Variants in LOXHD1 observed in about 807,000 individuals in gnomAD.
LOXHD1 encodes lipoxygenase homology PLAT domains 1, also known as lipoxygenase homology domain-containing protein 1.
A neutral mutation model predicts 248.2 loss-of-function variants in LOXHD1; 205 were observed. That is an observed-to-expected ratio of 0.83 (90% CI 0.74 to 0.93). The LOEUF (loss-of-function observed/expected upper bound fraction) is 0.93. LOXHD1 is among the 40% of genes least tolerant of loss of function. The pLI, the probability that LOXHD1 is intolerant of heterozygous loss-of-function variation, is 0.00. For synonymous variants in LOXHD1, 1,113 were observed against 1,162.8 expected, an observed-to-expected ratio of 0.96 and a Z score of 0.87; for missense variants, 2,930 against 2,971.6, an observed-to-expected ratio of 0.99 and a Z score of 0.33.
In LOXHD1 at chr18:46,572,096, C is replaced by T. The variant is rs201226222; in HGVS notation, c.2037G>A (p.Ala679=). 4.3e-5 allele frequency: 66 copies of T among 1,551,792 alleles called. No individual in the cohort carries two copies. In the Admixed American group the frequency reaches 9.6e-4, roughly 23 times the overall value. The change falls in exon 15 of 41, where the codon GCG becomes GCA. Residue 679 remains alanine, a synonymous_variant. Transcript: ENST00000642948. ...ATCAGGACAACTCACTCTTCAGTGT[C>T]GCGCTGCTGTCACTGGGTAGCAACT... ...VRELLPSDSS[A]TLKNFRYHIS...
At position 46,518,123 on chromosome 18, in the gene LOXHD1, A is replaced by T; in HGVS notation, c.5399+6T>A. The T allele has an allele frequency of 6.4e-7, 1 of 1,551,468 alleles. No individual in the cohort carries two copies. The highest frequency in any genetic ancestry group is 1.7e-4 in the Middle Eastern group (1 of 5,836). The stretch of plus-strand genomic sequence containing the variant: ...GGGGTGAGGGGCAGGGGCCGCCTCC[A>T]GGTACCTGGCTTTCTTTTTGTCCAG... On this transcript the variant is annotated splice_donor_region_variant and intron_variant, in intron 34 of 40. Coordinates refer to ENST00000642948, the MANE Select transcript of LOXHD1 (RefSeq NM_001384474.1).
At chr18:46,653,527 A>G (rs2144409527) in intron 1 of LOXHD1, among the ~76,000 whole-genome samples, 1 of 152,374 alleles carries the variant, frequency 6.6e-6, no homozygotes, top group Middle Eastern at 3.4e-3. Flanking sequence ...CTTGTGGAGG[A>G]CACAGAATTC....
chr18:46,577,751 C>T lies in LOXHD1; in HGVS notation c.1926G>A (p.Glu642=), dbSNP rs1291348434. The part of the protein sequence containing the change: ...GWYLDRVLVR[E]EGQPESDNVE... ...CGTTGTCGCTCTCAGGCTGCCCCTC[C>T]TCTCTCACCAGCACTCTGTCCAGGT... Residue 642 remains glutamate, a synonymous_variant, in exon 14 of 41, where the codon GAG becomes GAA. Coordinates refer to ENST00000642948, the MANE Select transcript of LOXHD1 (RefSeq NM_001384474.1). 6.4e-7 allele frequency: 1 copy of T among 1,551,550 alleles called. No homozygotes were observed. Among genetic ancestry groups the T allele is most frequent in the Non-Finnish European group, 8.7e-7 (1 of 1,146,974 alleles).
intron 26 of LOXHD1, among the ~76,000 whole-genome samples, chr18:46,537,414 T>G (rs1466737858): frequency 6.6e-6 from 1 of 152,076 alleles, no homozygotes; most frequent in African/African-American, 2.4e-5. Flanking sequence ...ACCCACAGGG[T>G]CCATGACAAT....
At chr18:46,648,645 A>T (rs1299485320) in intron 2 of LOXHD1, among the ~76,000 whole-genome samples, 1 of 152,192 alleles carries the variant, frequency 6.6e-6, no homozygotes, top group Non-Finnish European at 1.5e-5. Flanking sequence ...TATAATAAAA[A>T]AGAGCACACA....
At chr18:46,496,902 C>A (rs2033907046) in intron 37 of LOXHD1, among the ~76,000 whole-genome samples, 1 of 152,196 alleles carries the variant, frequency 6.6e-6, no homozygotes, top group African/African-American at 2.4e-5. Context: ...ACTCTGGAGG[C>A]TGAGACAGAA....
intron 37 of LOXHD1, among the ~76,000 whole-genome samples, chr18:46,497,658 TA>T (rs2143765556): frequency 6.6e-6 from 1 of 152,292 alleles, no homozygotes; most frequent in Non-Finnish European, 1.5e-5. Flanking sequence ...TTAAATTTTA[TA>T]AAAATATATT....
chr18:46,530,645 T>C (rs2036024171), intron 28 of LOXHD1, among the ~76,000 whole-genome samples: 1 of 152,154 alleles, frequency 6.6e-6, no homozygotes, highest in African/African-American at 2.4e-5. Flanking sequence ...GCAAGTGGGC[T>C]CAGAACCACA....
At chr18:46,623,038 GCTGGC>G (rs2038690505) in intron 4 of LOXHD1, among the ~76,000 whole-genome samples, 1 of 152,204 alleles carries the variant, frequency 6.6e-6, no homozygotes, top group African/African-American at 2.4e-5. Flanking sequence ...CAGCTCTAGA[GCTGGC>G]CTGTGATTTA....
chr18:46,532,786 G>A (rs2036131226), intron 28 of LOXHD1, among the ~76,000 whole-genome samples: 1 of 152,216 alleles, frequency 6.6e-6, no homozygotes, highest in Non-Finnish European at 1.5e-5. Flanking sequence ...AGTCCAGCAA[G>A]AGCAGAGAGG....
chr18:46,601,407 T>C lies in LOXHD1; in HGVS notation c.944A>G (p.Lys315Arg), dbSNP rs1279719056. 6 of 1,551,580 alleles carry C rather than the reference T, an allele frequency of 3.9e-6. No individual in the cohort carries two copies. The East Asian group carries it at 1.5e-4, about 38-fold the overall frequency. The change falls in exon 8 of 41, where the codon AAA (lysine) becomes AGA (arginine). Residue 315 changes from lysine (K) to arginine (R), a missense_variant. Physicochemically the swap from Lys to Arg is conservative, Grantham distance 26 (BLOSUM62 2). Transcript: ENST00000642948. Reference sequence around the variant, plus strand: ...GGCCCCATACATGACCAAGTAGATTTTGGATTTGGTACCAGCCCCCCGGAC... The same window carrying C: ...GGCCCCATACATGACCAAGTAGATTCTGGATTTGGTACCAGCCCCCCGGAC... ...GDVRGAGTKS[K>R]IYLVMYGARG...
At chr18:46,506,712 A>G (rs1181361674) in intron 36 of LOXHD1, among the ~76,000 whole-genome samples, 2 of 152,208 alleles carry the variant, frequency 1.3e-5, no homozygotes, top group Admixed American at 1.3e-4. Flanking sequence ...AGCTTTATTG[A>G]CCTATCATTT....
At chr18:46,508,315 T>C (rs1029065682) in intron 35 of LOXHD1, among the ~76,000 whole-genome samples, 1 of 152,166 alleles carries the variant, frequency 6.6e-6, no homozygotes, top group African/African-American at 2.4e-5. Flanking sequence ...CCTCAGAATG[T>C]GACCTTATTA....
In LOXHD1 at chr18:46,545,627, C is replaced by CTTTT. The variant is rs56323729; in HGVS notation, c.3515-210_3515-207dup. Among the ~76,000 whole-genome samples the CTTTT allele has an allele frequency of 5.0e-4, 46 of 92,232 alleles. 5 individuals are homozygous for CTTTT. Among genetic ancestry groups the CTTTT allele is most frequent in the African/African-American group, 1.9e-3 (39 of 20,480 alleles). The allele number at this position is 92,232 out of a possible 152,430, so 60.5% of individuals were successfully genotyped here. ...GTTTCTATGTTCCTCTTGGCCATTT[C>CTTTT]TTTTTTTTTTTTTTTTTTTTGAGAC... On this transcript the variant is annotated intron_variant, in intron 22 of 40. Coordinates refer to ENST00000642948, the MANE Select transcript of LOXHD1 (RefSeq NM_001384474.1).
intron 29 of LOXHD1, among the ~76,000 whole-genome samples, chr18:46,526,546 G>A (rs777760800): frequency 6.6e-6 from 1 of 152,218 alleles, no homozygotes; most frequent in Admixed American, 6.5e-5. Context: ...AGAAGAGAGG[G>A]TGGGGCATGC....
intron 6 of LOXHD1, among the ~76,000 whole-genome samples, chr18:46,609,405 T>G (rs1392606635): frequency 2.6e-5 from 4 of 152,214 alleles, no homozygotes; most frequent in African/African-American, 9.6e-5. Flanking sequence ...TTTCCTAATA[T>G]AAGAAGATAA....
intron 3 of LOXHD1, 90 bp from the exon 4 acceptor site, chr18:46,639,890 A>T: frequency 6.9e-7 from 1 of 1,442,932 alleles, no homozygotes; most frequent in Non-Finnish European, 9.5e-7. Flanking sequence ...TACTCCAAAG[A>T]GAGGTCCAAT....
intron 6 of LOXHD1, among the ~76,000 whole-genome samples, chr18:46,605,123 G>A (rs929648511): frequency 6.6e-6 from 1 of 152,128 alleles, no homozygotes; most frequent in South Asian, 2.1e-4. Flanking sequence ...AAAAACAAAA[G>A]CATTAGAACA....
rs569613534 is a variant in LOXHD1, at chr18:46,514,710, C to T, written c.5399+3419G>A. Among the ~76,000 whole-genome samples, 15 of 152,244 alleles carry T rather than the reference C, an allele frequency of 9.9e-5. No individual in the cohort carries two copies. The South Asian group carries it at 3.1e-3, about 32-fold the overall frequency. On this transcript the variant is annotated intron_variant, in intron 34 of 40. Transcript: ENST00000642948. ...AGGGTTAGTGAAAGCAATAGGCCAT[C>T]CTGAAGGGTAAACCCAGCAGAACTC...
Sources: gnomAD v4.1 joint callset for allele counts (sites outside exome capture counted in the v4.1 genomes callset) on GRCh38, gnomAD v4.1.1 for gene constraint, MANE v1.5 for transcripts, NCBI Gene and HGNC (gene_info 2026-07-23, HGNC 2026-07-21) for gene names.